The following DPYSL3 variants were observed in gnomAD, a reference collection of about 807,000 sequenced individuals.
DPYSL3 encodes the protein dihydropyrimidinase-related protein 3.
DPYSL3 carries 16 observed loss-of-function variants against 66.1 expected under a neutral mutation model. The observed-to-expected ratio is 0.24, with a 90% confidence interval of 0.16 to 0.37. The LOEUF (loss-of-function observed/expected upper bound fraction) is 0.37, where lower values mean the gene tolerates loss of function less well. DPYSL3 is among the 10% of genes least tolerant of loss of function. The pLI, the probability that DPYSL3 is intolerant of heterozygous loss-of-function variation, is 1.00. For missense variants in DPYSL3, 738 were observed against 916.2 expected, an observed-to-expected ratio of 0.81 and a Z score of 2.51; for synonymous variants, 338 against 345.1, an observed-to-expected ratio of 0.98 and a Z score of 0.23.
At chr5:147,483,446 C>T (rs146168757) in intron 1 of DPYSL3, among the ~76,000 whole-genome samples, 78 of 152,292 alleles carry the variant, frequency 5.1e-4, no homozygotes, top group African/African-American at 1.5e-3. Flanking sequence ...AGCTGATTGA[C>T]GTCCATTCAT....
chr5:147,398,435 T>C (rs1443980726), intron 11 of DPYSL3, among the ~76,000 whole-genome samples: 2 of 152,178 alleles, frequency 1.3e-5, no homozygotes, highest in African/African-American at 2.4e-5. Context: ...TTTTAATCTA[T>C]AAAACGGAGG....
intron 1 of DPYSL3, among the ~76,000 whole-genome samples, chr5:147,484,664 CATCAGAGCAA>C (rs2126439764): frequency 6.6e-6 from 1 of 152,302 alleles, no homozygotes; most frequent in South Asian, 2.1e-4. Context: ...AATATTCAGA[CATCAGAGCAA>C]ATTAGAATTT....
intron 1 of DPYSL3, among the ~76,000 whole-genome samples, chr5:147,465,877 T>G (rs1753001876): frequency 6.6e-6 from 1 of 152,316 alleles, no homozygotes; most frequent in East Asian, 1.9e-4. Flanking sequence ...CTTCTTTTTC[T>G]CTTCCCTTCC....
At chr5:147,469,952 T>A (rs1168026319) in intron 1 of DPYSL3, among the ~76,000 whole-genome samples, 1 of 152,244 alleles carries the variant, frequency 6.6e-6, no homozygotes, top group Non-Finnish European at 1.5e-5. Flanking sequence ...CAAAAGCTAC[T>A]GGCAGAAGGC....
intron 1 of DPYSL3, chr5:147,473,337 T>A (rs1753111054): frequency 6.6e-6 from 1 of 152,132 alleles, no homozygotes; most frequent in Admixed American, 6.5e-5. Context: ...AGTTCCTCAG[T>A]AATAAACCTG....
At chr5:147,459,302 A>G (rs1752899203) in intron 1 of DPYSL3, among the ~76,000 whole-genome samples, 1 of 152,186 alleles carries the variant, frequency 6.6e-6, no homozygotes, top group Non-Finnish European at 1.5e-5. Context: ...ATTCAGAAAA[A>G]AAAGTTCTAA....
At chr5:147,427,185 C>A (rs76674566) in intron 1 of DPYSL3, among the ~76,000 whole-genome samples, 1 of 152,172 alleles carries the variant, frequency 6.6e-6, no homozygotes, top group Non-Finnish European at 1.5e-5. Context: ...TTTTCCTCCA[C>A]GATGTGTGAC....
chr5:147,496,870 T>C (rs1172455258), intron 1 of DPYSL3, among the ~76,000 whole-genome samples: 1 of 152,000 alleles, frequency 6.6e-6, no homozygotes, highest in Non-Finnish European at 1.5e-5. Flanking sequence ...GAACTAGAAA[T>C]ACCATTTGAC....
At chr5:147,418,707 G>T in intron 2 of DPYSL3, 76 bp from the exon 3 acceptor site, 1 of 1,317,164 alleles carries the variant, frequency 7.6e-7, no homozygotes, top group Non-Finnish European at 1.0e-6. Flanking sequence ...CAAATATAGT[G>T]GTATAAGGAT....
chr5:147,395,438 G>T, intron 13 of DPYSL3, 121 bp downstream of exon 13: 1 of 1,230,270 alleles, frequency 8.1e-7, no homozygotes. Flanking sequence ...CCCTAAAGTT[G>T]ACACCAGTGC....
intron 1 of DPYSL3, among the ~76,000 whole-genome samples, chr5:147,498,312 C>G (rs1157366471): frequency 6.6e-6 from 1 of 152,060 alleles, no homozygotes; most frequent in Non-Finnish European, 1.5e-5. Context: ...TGTATATGTA[C>G]CACGTTTTCT....
At position 147,509,469 on chromosome 5, in the gene DPYSL3, C is replaced by G; in HGVS notation, c.381+9G>C. On this transcript the variant is annotated intron_variant, in intron 1 of 13. Coordinates refer to ENST00000343218, the MANE Select transcript of DPYSL3 (RefSeq NM_001197294.2). This position sits in a 1 kb window ranked among gnomAD's most constrained non-coding sequence, Gnocchi z 5.3. ...AGGCAAGGAGGGAAGTGACCCGGGGCCCCCTTACCTTGTCCTTGGGGCCGA... is the reference window on the plus strand; with the variant it reads ...AGGCAAGGAGGGAAGTGACCCGGGGGCCCCTTACCTTGTCCTTGGGGCCGA... The G allele has an allele frequency of 6.7e-7, 1 of 1,497,418 alleles. No homozygotes were observed. Among genetic ancestry groups the G allele is most frequent in the South Asian group, 1.3e-5 (1 of 77,212 alleles). 92.8% of individuals were successfully genotyped at this position (1,497,418 alleles called of 1,614,324 possible). A position where few individuals can be genotyped will look rare whatever the true frequency, so the allele number is the denominator to read the frequency against.
At position 147,393,929 on chromosome 5, in the gene DPYSL3, A is replaced by G; in HGVS notation, c.*106T>C. ...AAGGCTTGAGGCTTATTGATTCTTT[A>G]GATCACAACCGTTTGGATTCGCTTT... On this transcript the variant is annotated 3_prime_UTR_variant, in exon 14 of 14. Coordinates refer to ENST00000343218, the MANE Select transcript of DPYSL3 (RefSeq NM_001197294.2). 8.8e-7 allele frequency: 1 copy of G among 1,130,924 alleles called. No homozygotes were observed. The highest frequency in any genetic ancestry group is 1.3e-6 in the Non-Finnish European group (1 of 768,232). The allele number at this position is 1,130,924 out of a possible 1,614,324, so 70.1% of individuals were successfully genotyped here. A position where few individuals can be genotyped will look rare whatever the true frequency, so the allele number is the denominator to read the frequency against.
chr5:147,395,833 C>A (rs1757954843), intron 12 of DPYSL3, 112 bp from the exon 13 acceptor site: 6 of 1,255,290 alleles, frequency 4.8e-6, no homozygotes, highest in Admixed American at 2.5e-5. Context: ...TAGGAATTAA[C>A]AATAATAAAG....
intron 6 of DPYSL3, among the ~76,000 whole-genome samples, chr5:147,412,336 T>G (rs893592398): frequency 4.6e-5 from 7 of 152,248 alleles, no homozygotes; most frequent in Non-Finnish European, 8.8e-5. Flanking sequence ...TGTTCCAATT[T>G]GAAATCCTCC....
At chr5:147,469,799 C>G (rs1213892058) in intron 1 of DPYSL3, among the ~76,000 whole-genome samples, 1 of 152,234 alleles carries the variant, frequency 6.6e-6, no homozygotes, top group Non-Finnish European at 1.5e-5. Flanking sequence ...GCCCTCTCCT[C>G]TTAGCCTCAG....
chr5:147,400,663 G>C (rs1448594058), intron 10 of DPYSL3, 29 bp downstream of exon 10: 7 of 1,608,514 alleles, frequency 4.4e-6, no homozygotes, highest in Non-Finnish European at 5.9e-6. Context: ...TTTGGCTCTG[G>C]CCACCCTCCC....
intron 2 of DPYSL3, among the ~76,000 whole-genome samples, chr5:147,420,078 G>C (rs1340613536): frequency 2.0e-5 from 3 of 152,158 alleles, no homozygotes; most frequent in Non-Finnish European, 4.4e-5. Flanking sequence ...TCAAGGCTCA[G>C]CTTCCATCTT....
intron 1 of DPYSL3, among the ~76,000 whole-genome samples, chr5:147,464,193 C>T (rs1272378064): frequency 6.6e-6 from 1 of 152,180 alleles, no homozygotes; most frequent in Non-Finnish European, 1.5e-5. Context: ...GGGAGCCATC[C>T]TCCAGGGTGC....
Sources: gnomAD v4.1 joint callset for allele counts (sites outside exome capture counted in the v4.1 genomes callset) on GRCh38, gnomAD v4.1.1 for gene constraint, Gnocchi (gnomAD v3.1) non-coding constraint, MANE v1.5 for transcripts, NCBI Gene and HGNC (gene_info 2026-07-23, HGNC 2026-07-21) for gene names.